Variants in CYP4V2 observed in about 807,000 individuals in gnomAD.
The protein encoded by CYP4V2 is cytochrome P450 4V2.
A neutral mutation model predicts 60.8 loss-of-function variants in CYP4V2; 55 were observed. The observed-to-expected ratio is 0.90, with a 90% confidence interval of 0.73 to 1.13. CYP4V2 has a LOEUF of 1.13. Among genes scored for constraint, CYP4V2 ranks in the 50% most tolerant of loss-of-function variants. The probability of loss-of-function intolerance (pLI) is 0.00; values close to 1 mark genes in which losing one functional copy is unlikely to be tolerated. For missense variants in CYP4V2, 675 were observed against 662.9 expected (o/e 1.02, Z -0.20); for synonymous variants, 239 against 236.8 (o/e 1.01, Z -0.08).
intron 7 of CYP4V2, chr4:186,204,272 C>CGTG (rs1736415928): frequency 1.7e-5 from 2 of 114,774 alleles, no homozygotes; most frequent in African/African-American, 7.1e-5. Flanking sequence ...TGGCGTAAGA[C>CGTG]GCGGCGGTGG....
At position 186,192,750 on chromosome 4, in the gene CYP4V2, CAGGG is replaced by C. The variant is rs1239151703; in HGVS notation, c.214+718_214+721del. ...GTACCTGGTATTTACAACTCCCTGTCAGGGAGGGCGAACTCGATCTCAGAGTTTT... is the reference window on the plus strand; with the variant it reads ...GTACCTGGTATTTACAACTCCCTGTCAGGGCGAACTCGATCTCAGAGTTTT... On this transcript the variant is annotated intron_variant, in intron 1 of 10. Coordinates refer to ENST00000378802, the MANE Select transcript of CYP4V2 (RefSeq NM_207352.4). 3.9e-5 allele frequency among the ~76,000 whole-genome samples: 6 copies of C among 152,296 alleles called. No homozygotes were observed. In the East Asian group the frequency reaches 1.2e-3, roughly 29 times the overall value.
chr4:186,201,440 T>C, intron 7 of CYP4V2, 98 bp downstream of exon 7: 1 of 1,333,328 alleles, frequency 7.5e-7, no homozygotes, highest in Non-Finnish European at 1.0e-6. Context: ...TTTAAAGTAG[T>C]TTAACTAAAG....
In CYP4V2 at chr4:186,208,910, G is replaced by T. The variant is rs749161735; in HGVS notation, c.1136G>T (p.Arg379Leu). ...PATVEDLKKL[R>L]YLECVIKETL... The stretch of plus-strand genomic sequence containing the variant: ...ACAGTAGAAGACCTGAAGAAACTTC[G>T]GTATCTGGAATGTGTTATTAAGGAG... The change falls in exon 9 of 11, where the codon CGG becomes CTG. Residue 379 changes from arginine to leucine, a missense_variant. Coordinates refer to ENST00000378802, the MANE Select transcript of CYP4V2 (RefSeq NM_207352.4). 6.2e-7 allele frequency: 1 copy of T among 1,614,124 alleles called. No homozygotes were observed. Among genetic ancestry groups the T allele is most frequent in the Admixed American group, 1.7e-5 (1 of 60,024 alleles).
intron 7 of CYP4V2, chr4:186,202,370 G>A (rs1736329620): frequency 6.6e-6 from 1 of 152,122 alleles, no homozygotes; most frequent in Non-Finnish European, 1.5e-5. Context: ...TAACATGCTG[G>A]GACCATGACC....
rs780844157 is a variant in CYP4V2, at chr4:186,195,680, C to G, written c.328-323C>G. ...CCATCTCCCCACATGTGCCCACCCT[C>G]CAGATTCGCCTCCTCCCACCTCACT... is the stretch of plus-strand genomic sequence containing the variant. On this transcript the variant is annotated intron_variant, in intron 2 of 10. Coordinates refer to ENST00000378802, the MANE Select transcript of CYP4V2 (RefSeq NM_207352.4). The surrounding 1 kb of genome is among the most constrained non-coding windows in gnomAD (Gnocchi z 4.1). Among the ~76,000 whole-genome samples, 9 of 152,080 alleles carry G rather than the reference C, an allele frequency of 5.9e-5. No homozygotes were observed. The highest frequency in any genetic ancestry group is 8.8e-5 in the Non-Finnish European group (6 of 68,020).
intron 4 of CYP4V2, 90 bp downstream of exon 4, chr4:186,197,220 G>T: frequency 1.3e-6 from 2 of 1,483,424 alleles, no homozygotes; most frequent in South Asian, 2.3e-5. Context: ...GGCAAATGGG[G>T]GGACGGGAAA....
intron 2 of CYP4V2, among the ~76,000 whole-genome samples, chr4:186,194,869 G>A (rs528145929): frequency 6.6e-5 from 10 of 152,226 alleles, no homozygotes; most frequent in South Asian, 2.1e-4. Flanking sequence ...AAAGGATATC[G>A]TTTTTTAGAA....
rs1373142502 is a variant in CYP4V2 at position 186,191,983 on chromosome 4, G to T, written c.160G>T (p.Ala54Ser). 1 of 1,584,864 alleles carries T rather than the reference G, an allele frequency of 6.3e-7. No individual in the cohort carries two copies. The highest frequency in any genetic ancestry group is 1.1e-5 in the South Asian group (1 of 87,660). ...GCAGATGCGGCCCATCCCCACGGTG[G>T]CCCGCGCCTACCCACTGGTGGGCCA... ...WQQMRPIPTV[A>S]RAYPLVGHAL... The change falls in exon 1 of 11, where the codon GCC (alanine) becomes TCC (serine). Residue 54 changes from alanine (A) to serine (S), a missense_variant. Transcript: ENST00000378802.
intron 1 of CYP4V2, among the ~76,000 whole-genome samples, chr4:186,193,125 T>C (rs1035531300): frequency 7.3e-6 from 1 of 136,858 alleles, no homozygotes; most frequent in African/African-American, 2.5e-5. Context: ...AACACAGATA[T>C]GAAAATCACA....
At chr4:186,193,490 A>G (rs1477194923) in intron 1 of CYP4V2, among the ~76,000 whole-genome samples, 1 of 152,206 alleles carries the variant, frequency 6.6e-6, no homozygotes, top group Non-Finnish European at 1.5e-5. Context: ...CCACTGTTCA[A>G]TTTCCAACAC....
chr4:186,205,724 G>A (rs1736477173), intron 8 of CYP4V2, among the ~76,000 whole-genome samples: 1 of 152,198 alleles, frequency 6.6e-6, no homozygotes, highest in Non-Finnish European at 1.5e-5. Context: ...TAAGCTTCGA[G>A]GAGATACATT....
intron 7 of CYP4V2, 49 bp from the exon 8 acceptor site, chr4:186,205,151 C>A: frequency 6.4e-7 from 1 of 1,564,596 alleles, no homozygotes. Context: ...CACTCCTAAT[C>A]ATCGCAGCAT....
intron 8 of CYP4V2, among the ~76,000 whole-genome samples, chr4:186,208,138 G>A (rs1736583564): frequency 6.6e-6 from 1 of 150,598 alleles, no homozygotes; most frequent in South Asian, 2.1e-4. Flanking sequence ...GTATTTGATG[G>A]GTATTTAGCA....
chr4:186,210,672 G>C lies in CYP4V2; in HGVS notation c.*31G>C, dbSNP rs1285398484. ...TTATTGGGTTGTGCCTTTATCATGA[G>C]AAAGGTCTTTATTTTAAGAGATCCT... On this transcript the variant is annotated 3_prime_UTR_variant, in exon 11 of 11. Transcript: ENST00000378802. 22 of 1,612,644 alleles carry C rather than the reference G, an allele frequency of 1.4e-5. No homozygotes were observed. The highest frequency in any genetic ancestry group is 1.8e-5 in the Non-Finnish European group (21 of 1,179,054).
chr4:186,192,141 A>C, intron 1 of CYP4V2, 104 bp downstream of exon 1: 1 of 1,413,960 alleles, frequency 7.1e-7, no homozygotes, highest in South Asian at 1.2e-5. Context: ...CGCAGGAGAG[A>C]GGAGCCTGTC....
Position 186,200,942 on chromosome 4 carries a change from C to T in CYP4V2, c.802-215C>T, listed in dbSNP as rs72646275. ...ATAGCACTTGAAAATTAGGAATTTGCGTGACATTAAATTTGTTTTTAAAAG... is the reference window on the plus strand; with the variant it reads ...ATAGCACTTGAAAATTAGGAATTTGTGTGACATTAAATTTGTTTTTAAAAG... On this transcript the variant is annotated intron_variant, in intron 6 of 10. Transcript: ENST00000378802. 9.3e-3 allele frequency among the ~76,000 whole-genome samples: 1,409 copies of T among 152,052 alleles called. 23 individuals are homozygous for T. The highest frequency in any genetic ancestry group is 0.032 in the African/African-American group (1,335 of 41,460).
chr4:186,207,563 A>G (rs1368063633), intron 8 of CYP4V2, among the ~76,000 whole-genome samples: 2 of 138,060 alleles, frequency 1.4e-5, no homozygotes, highest in Non-Finnish European at 3.2e-5. Context: ...ATTAAAATAT[A>G]TAAAAATATT....
chr4:186,201,387 T>G (rs775422473), intron 7 of CYP4V2, 45 bp downstream of exon 7: 2 of 1,595,768 alleles, frequency 1.3e-6, no homozygotes, highest in African/African-American at 1.3e-5. Context: ...CAAATTTCAG[T>G]TATTGTTAGA....
rs62350517 is a variant in CYP4V2 at position 186,194,623 on chromosome 4, G to C, written c.327+11G>C. The C allele has an allele frequency of 0.065, 104,278 of 1,598,734 alleles. 3,955 individuals are homozygous for C. Among genetic ancestry groups the C allele is most frequent in the Middle Eastern group, 0.1 (610 of 6,036 alleles). ...GCAGAAAATGTGGAGGTGGGTACAT[G>C]TGAATATGATCAGTATTGTACTGTG... On this transcript the variant is annotated intron_variant, in intron 2 of 10. Transcript: ENST00000378802.
Sources: gnomAD v4.1 joint callset for allele counts (sites outside exome capture counted in the v4.1 genomes callset) on GRCh38, gnomAD v4.1.1 for gene constraint, Gnocchi (gnomAD v3.1) non-coding constraint, MANE v1.5 for transcripts, NCBI Gene and HGNC (gene_info 2026-07-23, HGNC 2026-07-21) for gene names.